The following FBXO31 variants were observed in gnomAD, a reference collection of about 807,000 sequenced individuals.
FBXO31 encodes the protein F-box protein 31.
In FBXO31, 24 loss-of-function variants were observed where a neutral mutation model predicts 54.4. That is an observed-to-expected ratio of 0.44 (90% CI 0.32 to 0.62). The LOEUF is 0.62. Ranked by LOEUF, FBXO31 falls within the 20% of genes least tolerant of loss-of-function variation. The pLI is 0.05. For missense variants in FBXO31, 665 were observed against 787.1 expected, an observed-to-expected ratio of 0.84 and a Z score of 1.86; for synonymous variants, 388 against 335.6, an observed-to-expected ratio of 1.16 and a Z score of -1.71.
In FBXO31 at chr16:87,330,847, T is replaced by C. The variant is rs1904825576; in HGVS notation, c.*441A>G. 5.6e-6 allele frequency: 1 copy of C among 179,978 alleles called. No individual in the cohort carries two copies. The highest frequency in any genetic ancestry group is 5.8e-5 in the Admixed American group (1 of 17,146). 11.1% of individuals were successfully genotyped at this position (179,978 alleles called of 1,614,324 possible). On this transcript the variant is annotated 3_prime_UTR_variant, in exon 9 of 9. Coordinates refer to ENST00000311635, the MANE Select transcript of FBXO31 (RefSeq NM_024735.5). ...CCCCCTCCCAGAGGCCACTGTTGCC[T>C]GGCTTCCCCCAAAAGGAGTGGGGTG...
intron 1 of FBXO31, among the ~76,000 whole-genome samples, chr16:87,377,974 C>A (rs111611648): frequency 6.6e-6 from 1 of 151,748 alleles, no homozygotes; most frequent in African/African-American, 2.4e-5. Flanking sequence ...CCTGACCAAC[C>A]TGGAGAAACC....
intron 2 of FBXO31, among the ~76,000 whole-genome samples, chr16:87,354,654 T>C (rs545526534): frequency 7.2e-5 from 11 of 152,058 alleles, no homozygotes; most frequent in Admixed American, 3.3e-4. Flanking sequence ...ACCCCAAAAG[T>C]AGTGACTCTG....
In FBXO31 at chr16:87,347,155, G is replaced by A. The variant is rs200030266; in HGVS notation, c.489+19C>T. On this transcript the variant is annotated intron_variant, in intron 3 of 8. Transcript: ENST00000311635. Reference sequence around the variant, plus strand: ...CTCCTGCCCGTGCACAGACCTCGTCGCGAGGCTCCGGGACTTACCACCACG... The same window carrying A: ...CTCCTGCCCGTGCACAGACCTCGTCACGAGGCTCCGGGACTTACCACCACG... The A allele has an allele frequency of 2.7e-5, 43 of 1,612,136 alleles. No individual in the cohort carries two copies. Among genetic ancestry groups the A allele is most frequent in the Non-Finnish European group, 3.1e-5 (36 of 1,178,382 alleles).
chr16:87,361,887 C>T (rs569415910), intron 1 of FBXO31, among the ~76,000 whole-genome samples: 2 of 152,332 alleles, frequency 1.3e-5, no homozygotes, highest in African/African-American at 4.8e-5. Context: ...CACTTCTGAA[C>T]CTCAAGGCTC....
chr16:87,362,371 AACATACAT>A, intron 1 of FBXO31, among the ~76,000 whole-genome samples: 1 of 152,080 alleles, frequency 6.6e-6, no homozygotes, highest in Admixed American at 6.5e-5. Context: ...CTACAGGTAA[AACATACAT>A]ACATACATAC....
chr16:87,381,019 C>T (rs1240178631), intron 1 of FBXO31, among the ~76,000 whole-genome samples: 1 of 152,188 alleles, frequency 6.6e-6, no homozygotes, highest in Non-Finnish European at 1.5e-5. Context: ...ACAGGTCTGG[C>T]CGCCTAATGG....
At chr16:87,375,048 G>A (rs1269577149) in intron 1 of FBXO31, among the ~76,000 whole-genome samples, 1 of 152,194 alleles carries the variant, frequency 6.6e-6, no homozygotes, top group Non-Finnish European at 1.5e-5. Context: ...GCCAGGTGCG[G>A]TGGCTCACGC....
chr16:87,373,143 C>T (rs1052392210), intron 1 of FBXO31, among the ~76,000 whole-genome samples: 24 of 152,044 alleles, frequency 1.6e-4, no homozygotes, highest in African/African-American at 5.5e-4. Flanking sequence ...AGATGTGATC[C>T]ACAACACCCA....
At chr16:87,377,778 G>A (rs1310841198) in intron 1 of FBXO31, among the ~76,000 whole-genome samples, 1 of 151,314 alleles carries the variant, frequency 6.6e-6, no homozygotes, top group Non-Finnish European at 1.5e-5. Flanking sequence ...GTAGTGAGCT[G>A]TGACTGCACC....
chr16:87,381,413 T>C (rs1432710641), intron 1 of FBXO31, among the ~76,000 whole-genome samples: 1 of 152,192 alleles, frequency 6.6e-6, no homozygotes, highest in East Asian at 1.9e-4. Context: ...ACCTACCTCA[T>C]TCACCCTCCA....
At chr16:87,386,671 C>T (rs1438246962), upstream of FBXO31, among the ~76,000 whole-genome samples, 5 of 152,110 alleles carry the variant, frequency 3.3e-5, no homozygotes, top group African/African-American at 4.8e-5. Flanking sequence ...TGACCAGAGG[C>T]GATCCACCCA....
At chr16:87,371,632 GT>G (rs545740637) in intron 1 of FBXO31, among the ~76,000 whole-genome samples, 110 of 152,396 alleles carry the variant, frequency 7.2e-4, no homozygotes, top group African/African-American at 2.3e-3. Context: ...GGACACACTT[GT>G]TTTTTGAGAG....
At chr16:87,360,613 T>C (rs1168750102) in intron 1 of FBXO31, among the ~76,000 whole-genome samples, 2 of 152,232 alleles carry the variant, frequency 1.3e-5, no homozygotes, top group Non-Finnish European at 2.9e-5. Flanking sequence ...CAATGTCTAT[T>C]CTAATAAGCT....
chr16:87,336,078 C>T lies in FBXO31; in HGVS notation c.842+77G>A. 7.9e-7 allele frequency: 1 copy of T among 1,258,946 alleles called. No individual in the cohort carries two copies. Among genetic ancestry groups the T allele is most frequent in the Non-Finnish European group, 1.1e-6 (1 of 875,234 alleles). The allele number at this position is 1,258,946 out of a possible 1,614,324, so 78.0% of individuals were successfully genotyped here. A position where few individuals can be genotyped will look rare whatever the true frequency, so the allele number is the denominator to read the frequency against. Reference sequence around the variant, plus strand: ...ACTGAGACAAAGGACTATGCCCCAGCACCCACCGGGACAGGGCTGGTCCCC... The same window carrying T: ...ACTGAGACAAAGGACTATGCCCCAGTACCCACCGGGACAGGGCTGGTCCCC... On this transcript the variant is annotated intron_variant, in intron 6 of 8. Coordinates refer to ENST00000311635, the MANE Select transcript of FBXO31 (RefSeq NM_024735.5). This position sits in a 1 kb window ranked among gnomAD's most constrained non-coding sequence, Gnocchi z 6.5.
At chr16:87,384,825 A>C (rs922865438), upstream of FBXO31, among the ~76,000 whole-genome samples, 1 of 152,186 alleles carries the variant, frequency 6.6e-6, no homozygotes, top group Non-Finnish European at 1.5e-5. Flanking sequence ...GTGCCACTGC[A>C]CTTCAGCCTG....
At chr16:87,344,038 G>C (rs916614373) in intron 3 of FBXO31, among the ~76,000 whole-genome samples, 1 of 152,242 alleles carries the variant, frequency 6.6e-6, no homozygotes, top group African/African-American at 2.4e-5. Flanking sequence ...CTCCCAACAG[G>C]AAAGAGTGAA....
In FBXO31 at chr16:87,348,284, C is replaced by T. The variant is rs116703586; in HGVS notation, c.413-1034G>A. On this transcript the variant is annotated intron_variant, in intron 2 of 8. Transcript: ENST00000311635. The stretch of plus-strand genomic sequence containing the variant: ...CCCAGGTCAGCCCAGCCCAGCCCCT[C>T]TCCGGCCCCTGCACTGTATCTGCAC... Among the ~76,000 whole-genome samples, 530 of 152,354 alleles carry T rather than the reference C, an allele frequency of 3.5e-3. 1 individual carries two copies. Among genetic ancestry groups the T allele is most frequent in the African/African-American group, 0.012 (513 of 41,584 alleles).
chr16:87,381,708 A>G (rs1264524312), intron 1 of FBXO31, among the ~76,000 whole-genome samples: 2 of 152,226 alleles, frequency 1.3e-5, no homozygotes, highest in Non-Finnish European at 2.9e-5. Context: ...GCAGTCCTAC[A>G]AATCCACAAT....
chr16:87,337,468 G>C (rs1905071471), intron 5 of FBXO31, among the ~76,000 whole-genome samples: 1 of 152,198 alleles, frequency 6.6e-6, no homozygotes, highest in Admixed American at 6.5e-5. Context: ...CAAAGAACTG[G>C]GACAGACAGG....
Sources: gnomAD v4.1 joint callset for allele counts (sites outside exome capture counted in the v4.1 genomes callset) on GRCh38, gnomAD v4.1.1 for gene constraint, Gnocchi (gnomAD v3.1) non-coding constraint, MANE v1.5 for transcripts, NCBI Gene and HGNC (gene_info 2026-07-23, HGNC 2026-07-21) for gene names.